PNPT1: variants seen among roughly 807,000 people sequenced by gnomAD.
The protein encoded by PNPT1 is polyribonucleotide nucleotidyltransferase 1, mitochondrial.
PNPT1 carries 53 observed loss-of-function variants against 119.5 expected under a neutral mutation model. The ratio of observed to expected loss-of-function variants is 0.44; its 90% CI spans 0.36 to 0.56. PNPT1 has a LOEUF of 0.56. PNPT1 is among the 20% of genes least tolerant of loss of function. The pLI, the probability that PNPT1 is intolerant of heterozygous loss-of-function variation, is 0.00. For synonymous variants in PNPT1, 357 were observed against 322.1 expected, an observed-to-expected ratio of 1.11 and a Z score of -1.16; for missense variants, 948 against 938.5, an observed-to-expected ratio of 1.01 and a Z score of -0.13.
At chr2:55,691,877 T>C (rs1291228808) in intron 1 of PNPT1, among the ~76,000 whole-genome samples, 1 of 12,106 alleles carries the variant, frequency 8.3e-5, no homozygotes, top group South Asian at 1.8e-3. Flanking sequence ...TATATATATA[T>C]ATTTTTTTTT....
intron 11 of PNPT1, among the ~76,000 whole-genome samples, chr2:55,670,992 T>A (rs983977917): frequency 6.7e-6 from 1 of 150,346 alleles, no homozygotes; most frequent in African/African-American, 2.4e-5. Flanking sequence ...AAGTCTATTA[T>A]TTCTTTTAAT....
chr2:55,637,927 G>T (rs1695724342), intron 26 of PNPT1, among the ~76,000 whole-genome samples: 1 of 151,098 alleles, frequency 6.6e-6, no homozygotes, highest in South Asian at 2.1e-4. Context: ...GTGAACCCAG[G>T]AGGTGGAGCT....
At chr2:55,673,847 A>G (rs1039009802) in intron 8 of PNPT1, among the ~76,000 whole-genome samples, 3 of 152,084 alleles carry the variant, frequency 2.0e-5, no homozygotes, top group African/African-American at 7.2e-5. Flanking sequence ...TTGGCCTTCC[A>G]AAGTGCTGGG....
At position 55,662,041 on chromosome 2, in the gene PNPT1, G is replaced by T. The variant is rs1696594935; in HGVS notation, c.1177-15C>A. 3 of 1,538,734 alleles carry T rather than the reference G, an allele frequency of 1.9e-6. No individual in the cohort carries two copies. Among genetic ancestry groups the T allele is most frequent in the Non-Finnish European group, 2.6e-6 (3 of 1,149,342 alleles). On this transcript the variant is annotated splice_polypyrimidine_tract_variant and intron_variant, in intron 13 of 27. Transcript: ENST00000447944. ...GTACAAAGCACCTAAAAAAGAAAAA[G>T]AATTCCTCAGGCTTTAATATACTAA...
At chr2:55,650,162 C>G (rs945182009) in intron 18 of PNPT1, among the ~76,000 whole-genome samples, 18 of 152,112 alleles carry the variant, frequency 1.2e-4, no homozygotes, top group Admixed American at 9.8e-4. Context: ...CTACCTCTAC[C>G]TCTACCTCTA....
In PNPT1 at chr2:55,661,927, G is replaced by A. The variant is rs782604; in HGVS notation, c.1247+29C>T. On this transcript the variant is annotated intron_variant, in intron 14 of 27. Coordinates refer to ENST00000447944, the MANE Select transcript of PNPT1 (RefSeq NM_033109.5). ...ATTATATAATAGAACATCATAAAAC[G>A]TAACAAACATCTTAAAAACATAACT... 1,409,545 of 1,524,462 alleles carry A rather than the reference G, an allele frequency of 0.92. 655,948 individuals are homozygous for A. Among genetic ancestry groups the A allele is most frequent in the African/African-American group, 0.96 (67,786 of 70,484 alleles). The allele number at this position is 1,524,462 out of a possible 1,614,324, so 94.4% of individuals were successfully genotyped here. A position where few individuals can be genotyped will look rare whatever the true frequency, so the allele number is the denominator to read the frequency against.
chr2:55,672,037 C>T lies in PNPT1; in HGVS notation c.876G>A (p.Met292Ile). Residue 292 changes from methionine (M) to isoleucine (I), a missense_variant, in exon 10 of 28, where the codon ATG (methionine) becomes ATA (isoleucine). Transcript: ENST00000447944. ...CTGTAAAAACTGCATAGAGTCTCTC[C>T]ATAGCAAGTCTATTTAAGCAGAAAA... Reference protein sequence around the residue: ...EIVKYTHKLAMERLYAVFTDY... With the variant: ...EIVKYTHKLAIERLYAVFTDY... 6.3e-7 allele frequency: 1 copy of T among 1,596,388 alleles called. No individual in the cohort carries two copies. Among genetic ancestry groups the T allele is most frequent in the Non-Finnish European group, 8.5e-7 (1 of 1,171,984 alleles).
At chr2:55,643,109 G>A (rs891916012) in intron 25 of PNPT1, 49 bp downstream of exon 25, 3 of 1,591,430 alleles carry the variant, frequency 1.9e-6, no homozygotes, top group African/African-American at 2.7e-5. Flanking sequence ...GTGAGACCCT[G>A]TCTCTAAAGA....
intron 23 of PNPT1, among the ~76,000 whole-genome samples, chr2:55,644,431 T>C (rs1695925770): frequency 1.3e-5 from 2 of 152,224 alleles, no homozygotes; most frequent in African/African-American, 4.8e-5. Flanking sequence ...GTAATCCTTC[T>C]TGAATTTAGT....
rs1325804465 is a variant in PNPT1, at chr2:55,667,733, A to G, written c.1073+129T>C. The G allele has an allele frequency of 3.2e-6, 4 of 1,247,624 alleles. No homozygotes were observed. In the African/African-American group the frequency reaches 6.2e-5, roughly 19 times the overall value. 77.3% of individuals were successfully genotyped at this position (1,247,624 alleles called of 1,614,324 possible). ...TTTTCTTCAATAGGTGTCCATTTAT[A>G]TAGCAAATATTATAATTCTTTACTG... On this transcript the variant is annotated intron_variant, in intron 12 of 27. Transcript: ENST00000447944.
Position 55,684,975 on chromosome 2 carries a change from G to C in PNPT1, c.371C>G (p.Ser124Cys). The C allele has an allele frequency of 1.3e-6, 2 of 1,588,950 alleles. No homozygotes were observed. Among genetic ancestry groups the C allele is most frequent in the Non-Finnish European group, 1.7e-6 (2 of 1,162,076 alleles). ...TNYLRREIGT[S>C]DKEILTSRII... ...TCGACTTGTTAGAATTTCTTTATCA[G>C]AAGTACCAATCTCTCTTCTCAGATA... The change falls in exon 4 of 28, where the codon TCT becomes TGT. Residue 124 changes from serine to cysteine, a missense_variant. Coordinates refer to ENST00000447944, the MANE Select transcript of PNPT1 (RefSeq NM_033109.5).
Position 55,656,284 on chromosome 2 carries a change from A to G in PNPT1, c.1351+21T>C, listed in dbSNP as rs539698017. The G allele has an allele frequency of 1.4e-5, 23 of 1,611,860 alleles. No individual in the cohort carries two copies. The African/African-American group carries it at 3.1e-4, about 22-fold the overall frequency. ...AAGTCTCTGTAAGAATACCGTATTAAGTTTACAGACCTGTACTTACCATGC... is the reference window on the plus strand; with the variant it reads ...AAGTCTCTGTAAGAATACCGTATTAGGTTTACAGACCTGTACTTACCATGC... On this transcript the variant is annotated intron_variant, in intron 16 of 27. Coordinates refer to ENST00000447944, the MANE Select transcript of PNPT1 (RefSeq NM_033109.5).
chr2:55,641,222 C>G (rs1695825065), intron 25 of PNPT1, among the ~76,000 whole-genome samples: 1 of 149,678 alleles, frequency 6.7e-6, no homozygotes, highest in South Asian at 2.1e-4. Context: ...GACTCCGTCT[C>G]AACAAAAAAA....
chr2:55,657,960 G>A (rs935285909), intron 15 of PNPT1, among the ~76,000 whole-genome samples: 28 of 147,142 alleles, frequency 1.9e-4, no homozygotes, highest in African/African-American at 2.5e-4. Context: ...ATATCAGGCC[G>A]GGCATAGTGG....
chr2:55,684,940 T>C lies in PNPT1; in HGVS notation c.403+3A>G, dbSNP rs767713647. The C allele has an allele frequency of 1.3e-6, 2 of 1,563,812 alleles. No individual in the cohort carries two copies. On this transcript the variant is annotated splice_donor_region_variant and intron_variant, in intron 4 of 27. Transcript: ENST00000447944. Reference sequence around the variant, plus strand: ...GATGAACGCCTCTATGTTAATATCTTACCTATTATTCGACTTGTTAGAATT... The same window carrying C: ...GATGAACGCCTCTATGTTAATATCTCACCTATTATTCGACTTGTTAGAATT...
chr2:55,676,281 AAAAG>A (rs1559107126), intron 8 of PNPT1, among the ~76,000 whole-genome samples: 1 of 151,310 alleles, frequency 6.6e-6, no homozygotes, highest in Non-Finnish European at 1.5e-5. Context: ...AAAAAAAAAA[AAAAG>A]AAGATTGCTA....
At chr2:55,650,971 GC>G (rs1696167103) in intron 18 of PNPT1, among the ~76,000 whole-genome samples, 1 of 148,872 alleles carries the variant, frequency 6.7e-6, no homozygotes, top group Non-Finnish European at 1.5e-5. Context: ...CGCCCGGCCA[GC>G]CGCCCCGTCC....
intron 13 of PNPT1, among the ~76,000 whole-genome samples, chr2:55,665,314 G>C (rs1157657917): frequency 6.6e-6 from 1 of 152,124 alleles, no homozygotes; most frequent in Non-Finnish European, 1.5e-5. Flanking sequence ...GCTAAAACTA[G>C]AAAGCTAATA....
rs772482996 is a variant in PNPT1, at chr2:55,680,864, T to A, written c.508A>T (p.Ile170Phe). Reference protein sequence around the residue: ...DGVNEPDVLAINGASVALSLS... With the variant: ...DGVNEPDVLAFNGASVALSLS... ...CTACTTTTATACTTACCGCCATTAA[T>A]TGCTAGGACATCAGGCTCATTTACA... Residue 170 changes from isoleucine (I) to phenylalanine (F), a missense_variant, in exon 6 of 28, where the codon ATT becomes TTT. Physicochemically the swap from Ile to Phe is conservative, Grantham distance 21. Transcript: ENST00000447944. 1.2e-6 allele frequency: 2 copies of A among 1,614,044 alleles called. No homozygotes were observed. Among genetic ancestry groups the A allele is most frequent in the South Asian group, 2.2e-5 (2 of 91,084 alleles).
Sources: allele counts gnomAD v4.1 joint callset (sites outside exome capture counted in the v4.1 genomes callset), GRCh38; gene constraint gnomAD v4.1.1; transcripts MANE v1.5; gene names NCBI Gene and HGNC (gene_info 2026-07-23, HGNC 2026-07-21).